The following COP1 variants were observed in gnomAD, a reference collection of about 807,000 sequenced individuals.
The protein encoded by COP1 is E3 ubiquitin-protein ligase COP1.
A neutral mutation model predicts 101.3 loss-of-function variants in COP1; 24 were observed. The ratio of observed to expected loss-of-function variants is 0.24; its 90% CI spans 0.17 to 0.33. The LOEUF (loss-of-function observed/expected upper bound fraction) is 0.33. COP1 is among the 10% of genes least tolerant of loss of function. The pLI is 1.00. For missense variants in COP1, 663 were observed against 906.2 expected, an observed-to-expected ratio of 0.73 and a Z score of 3.45; for synonymous variants, 347 against 341.9, an observed-to-expected ratio of 1.01 and a Z score of -0.17.
chr1:175,946,516 C>T lies in COP1; in HGVS notation c.2178+679G>A, dbSNP rs545635895. On this transcript the variant is annotated intron_variant, in intron 19 of 19. Coordinates refer to ENST00000367669, the MANE Select transcript of COP1 (RefSeq NM_022457.7). ...AGAGAATATGTGGAAAAAACAGGTA[C>T]TCTCAGAAACACGTACTCCACCAAA... Among the ~76,000 whole-genome samples, 19 of 152,298 alleles carry T rather than the reference C, an allele frequency of 1.2e-4. No individual in the cohort carries two copies. The South Asian group carries it at 2.1e-3, about 17-fold the overall frequency.
At chr1:175,947,988 T>C (rs942442780) in intron 18 of COP1, among the ~76,000 whole-genome samples, 1 of 152,216 alleles carries the variant, frequency 6.6e-6, no homozygotes, top group Non-Finnish European at 1.5e-5. Context: ...CAAATCTCTA[T>C]GGATGGACAT....
rs866810708 is a variant in COP1, at chr1:175,995,917, T to C, written c.1730-6438A>G. ...TTTTATGAGGCCAGCATCATCCTGA[T>C]ACCAAAGCCTGGCAGAGACACAACC... On this transcript the variant is annotated intron_variant, in intron 15 of 19. Transcript: ENST00000367669. Among the ~76,000 whole-genome samples, 687 of 151,792 alleles carry C rather than the reference T, an allele frequency of 4.5e-3. 3 individuals carry two copies. Among genetic ancestry groups the C allele is most frequent in the Middle Eastern group, 0.028 (8 of 290 alleles).
chr1:176,071,827 C>T (rs1042751750), intron 11 of COP1, among the ~76,000 whole-genome samples: 2 of 152,158 alleles, frequency 1.3e-5, no homozygotes, highest in East Asian at 1.9e-4. Flanking sequence ...ATTTTAAATG[C>T]TAACCTAATT....
At chr1:176,123,056 A>G (rs1314412846) in intron 8 of COP1, among the ~76,000 whole-genome samples, 2 of 152,208 alleles carry the variant, frequency 1.3e-5, no homozygotes, top group East Asian at 3.8e-4. Flanking sequence ...GTATTCTACT[A>G]CTACTTTCCA....
At chr1:176,164,135 T>G (rs908148682) in intron 3 of COP1, among the ~76,000 whole-genome samples, 2 of 152,220 alleles carry the variant, frequency 1.3e-5, no homozygotes, top group African/African-American at 4.8e-5. Context: ...TTCCCTTACA[T>G]GTTTCTCAAT....
intron 15 of COP1, among the ~76,000 whole-genome samples, chr1:176,007,379 G>A (rs923077119): frequency 6.6e-6 from 1 of 152,206 alleles, no homozygotes; most frequent in Non-Finnish European, 1.5e-5. Context: ...TTGTTCCGTT[G>A]CTGGTGAGGA....
chr1:176,029,109 T>C (rs1021364749), intron 14 of COP1, among the ~76,000 whole-genome samples: 123 of 152,246 alleles, frequency 8.1e-4, no homozygotes, highest in African/African-American at 2.9e-3. Context: ...ATCATAAATA[T>C]GAAAATGTAC....
chr1:176,133,790 T>C, intron 8 of COP1: 1 of 441,924 alleles, frequency 2.3e-6, no homozygotes, highest in Non-Finnish European at 4.5e-6. Flanking sequence ...TGGGAATGAA[T>C]CATTATTAGT....
intron 6 of COP1, among the ~76,000 whole-genome samples, chr1:176,145,649 T>C (rs1691469791): frequency 1.3e-5 from 2 of 152,258 alleles, no homozygotes; most frequent in South Asian, 2.1e-4. Flanking sequence ...AATGGAATAC[T>C]ATACAACAAC....
chr1:176,022,487 C>G (rs55806325), intron 15 of COP1, among the ~76,000 whole-genome samples: 4 of 152,116 alleles, frequency 2.6e-5, no homozygotes, highest in Non-Finnish European at 5.9e-5. Context: ...CTGTATCGCT[C>G]TCAGTGGTAA....
chr1:176,141,245 T>C (rs1260806940), intron 6 of COP1, among the ~76,000 whole-genome samples: 1 of 152,214 alleles, frequency 6.6e-6, no homozygotes, highest in Non-Finnish European at 1.5e-5. Context: ...CTCACGCCTG[T>C]AAGCCCAACA....
In COP1 at chr1:175,965,573, T is replaced by TG. The variant is rs1553277478; in HGVS notation, c.2134-18335_2134-18334insC. On this transcript the variant is annotated intron_variant, in intron 18 of 19. Transcript: ENST00000367669. ...ATTCATTTCACTTATCTGGGTTTTTTTTTTGTTTTGTTTTTGTTTGTTTGT... is the reference window on the plus strand; with the variant it reads ...ATTCATTTCACTTATCTGGGTTTTTTGTTTTGTTTTGTTTTTGTTTGTTTGT... 3.1e-4 allele frequency among the ~76,000 whole-genome samples: 28 copies of TG among 89,358 alleles called. No homozygotes were observed. In the South Asian group the frequency reaches 4.2e-3, roughly 13 times the overall value. The allele number at this position is 89,358 out of a possible 152,430, so 58.6% of individuals were successfully genotyped here.
intron 15 of COP1, among the ~76,000 whole-genome samples, chr1:176,006,082 G>C (rs1326859331): frequency 1.3e-5 from 2 of 152,202 alleles, no homozygotes; most frequent in Non-Finnish European, 2.9e-5. Context: ...CTGCTGAATT[G>C]ATCCCTTTAC....
rs141942987 is a variant in COP1, at chr1:176,132,550, C to A, written c.968+2460G>T. Among the ~76,000 whole-genome samples the A allele has an allele frequency of 2.7e-5, 4 of 148,372 alleles. No homozygotes were observed. In the South Asian group the frequency reaches 8.4e-4, roughly 31 times the overall value. ...ACACACATATATGAATATATACACACATATACACATATGTACGTATATATA... is the reference window on the plus strand; with the variant it reads ...ACACACATATATGAATATATACACAAATATACACATATGTACGTATATATA... On this transcript the variant is annotated intron_variant, in intron 8 of 19. Transcript: ENST00000367669.
At chr1:176,123,458 T>C (rs1484553681) in intron 8 of COP1, among the ~76,000 whole-genome samples, 4 of 152,004 alleles carry the variant, frequency 2.6e-5, no homozygotes, top group Non-Finnish European at 4.4e-5. Flanking sequence ...CTATAATAAT[T>C]AAAGGGGAAA....
chr1:176,014,269 A>G (rs1165837853), intron 15 of COP1, among the ~76,000 whole-genome samples: 1 of 152,186 alleles, frequency 6.6e-6, no homozygotes, highest in East Asian at 1.9e-4. Context: ...CACCCAACCA[A>G]TTCCTACACA....
intron 16 of COP1, 68 bp downstream of exon 16, chr1:175,989,294 C>T: frequency 1.3e-6 from 1 of 777,196 alleles, no homozygotes; most frequent in Non-Finnish European, 2.3e-6. Context: ...CCCTCAGTGA[C>T]ATTACAAGCT....
intron 15 of COP1, among the ~76,000 whole-genome samples, chr1:175,991,603 A>C (rs1273744064): frequency 1.3e-5 from 2 of 152,224 alleles, no homozygotes; most frequent in African/African-American, 4.8e-5. Context: ...AAACTTAAAA[A>C]ATTTTTAAAG....
chr1:176,134,247 G>A (rs183983667), intron 8 of COP1, among the ~76,000 whole-genome samples: 188 of 152,058 alleles, frequency 1.2e-3, no homozygotes, highest in African/African-American at 4.4e-3. Context: ...CCATTAAATC[G>A]TTATCCTAAA....
Sources: allele counts gnomAD v4.1 joint callset (sites outside exome capture counted in the v4.1 genomes callset), GRCh38; gene constraint gnomAD v4.1.1; transcripts MANE v1.5; gene names NCBI Gene and HGNC (gene_info 2026-07-23, HGNC 2026-07-21).